ATRX: variants seen among roughly 807,000 people sequenced by gnomAD.
ATRX encodes ATRX chromatin remodeler, also known as chromatin remodeler ATRX.
Under a neutral mutation model 172.6 loss-of-function variants are expected in ATRX, and 12 were observed. That is an observed-to-expected ratio of 0.07 (90% confidence interval 0.04 to 0.11). ATRX has a LOEUF of 0.11. ATRX is among the 10% of genes least tolerant of loss of function. The pLI is 1.00. For synonymous variants in ATRX, 674 were observed against 594.7 expected (o/e 1.13, Z -1.94); for missense variants, 1,368 against 1,767.4 (o/e 0.77, Z 4.05).
At chrX:77,554,365 G>A (rs1288817571) in intron 30 of ATRX, among the ~76,000 whole-genome samples, 1 of 111,349 alleles carries the variant, frequency 9.0e-6, no homozygotes, top group East Asian at 2.8e-4. Context: ...TATCAGTTGA[G>A]TTCTACCATT....
intron 2 of ATRX, among the ~76,000 whole-genome samples, chrX:77,710,707 C>T (rs782038487): frequency 3.2e-3 from 1 of 312 alleles, no homozygotes; most frequent in Non-Finnish European, 0.02. Flanking sequence ...AGATTATTTA[C>T]TATAAACTCC....
At chrX:77,767,014 T>TC in intron 1 of ATRX, among the ~76,000 whole-genome samples, 1 of 112,457 alleles carries the variant, frequency 8.9e-6, no homozygotes, top group East Asian at 2.8e-4. Context: ...GGTTAGGAGC[T>TC]GGAGACCAGC....
At chrX:77,765,096 G>A (rs1325585039) in intron 1 of ATRX, among the ~76,000 whole-genome samples, 1 of 109,566 alleles carries the variant, frequency 9.1e-6, no homozygotes, top group Non-Finnish European at 1.9e-5. Flanking sequence ...TAACCCAGGA[G>A]GTGGAGGTTG....
At chrX:77,678,848 C>T (rs2071045764) in intron 9 of ATRX, among the ~76,000 whole-genome samples, 1 of 110,672 alleles carries the variant, frequency 9.0e-6, no homozygotes, top group Admixed American at 9.6e-5. Context: ...ACTGCAATCT[C>T]CTAGGACCAT....
At chrX:77,557,709 G>A in intron 29 of ATRX, 64 bp from the exon 30 acceptor site, 1 of 948,883 alleles carries the variant, frequency 1.1e-6, no homozygotes, top group Non-Finnish European at 1.5e-6. Context: ...ACTTAATCAA[G>A]GATAAATACG....
intron 30 of ATRX, among the ~76,000 whole-genome samples, chrX:77,527,177 C>T (rs2063410072): frequency 8.9e-6 from 1 of 112,182 alleles, no homozygotes; most frequent in Non-Finnish European, 1.9e-5. Context: ...GACACACACA[C>T]ACCTTTGCAT....
intron 30 of ATRX, among the ~76,000 whole-genome samples, chrX:77,549,815 G>T (rs1309054397): frequency 8.9e-6 from 1 of 111,805 alleles, no homozygotes; most frequent in Non-Finnish European, 1.9e-5. Flanking sequence ...AGAATCCAAT[G>T]AGGGGATTTA....
At position 77,558,862 on chromosome X, in the gene ATRX, T is replaced by C. The variant is rs1457254023; in HGVS notation, c.6327-16A>G. ...TAATCGTCCTCTGAAAATGAAAATA[T>C]AGAATAAATGCTTCAGTAATTAGTA... On this transcript the variant is annotated splice_polypyrimidine_tract_variant and intron_variant, in intron 28 of 34. Transcript: ENST00000373344. The C allele has an allele frequency of 2.0e-5, 23 of 1,133,760 alleles. No individual in the cohort carries two copies. Among genetic ancestry groups the C allele is most frequent in the Middle Eastern group, 2.5e-4 (1 of 3,977 alleles). The allele number at this position is 1,133,760 out of a possible 1,213,427, so 93.4% of individuals were successfully genotyped here. A position where few individuals can be genotyped will look rare whatever the true frequency, so the allele number is the denominator to read the frequency against.
intron 27 of ATRX, among the ~76,000 whole-genome samples, chrX:77,576,817 G>A (rs2065637025): frequency 9.0e-6 from 1 of 111,402 alleles, no homozygotes; most frequent in Non-Finnish European, 1.9e-5. Context: ...TCTATTTTAT[G>A]TCTCTACAAA....
intron 10 of ATRX, among the ~76,000 whole-genome samples, chrX:77,670,702 C>T (rs782736434): frequency 9.4e-6 from 1 of 106,404 alleles, no homozygotes; most frequent in African/African-American, 3.5e-5. Context: ...TTGCAGTGAG[C>T]GGAGATCATG....
In ATRX at chrX:77,521,505, G is replaced by A. The variant is rs2147742028; in HGVS notation, c.6976-7C>T. ...TTCCTTGATTAATGAGGTCCTAGAAGAATGCAAGAAATAAGTTATATAAGG... is the reference window on the plus strand; with the variant it reads ...TTCCTTGATTAATGAGGTCCTAGAAAAATGCAAGAAATAAGTTATATAAGG... On this transcript the variant is annotated splice_region_variant and splice_polypyrimidine_tract_variant and intron_variant, in intron 32 of 34. Transcript: ENST00000373344. 1 of 1,165,263 alleles carries A rather than the reference G, an allele frequency of 8.6e-7. No homozygotes were observed. The highest frequency in any genetic ancestry group is 1.2e-6 in the Non-Finnish European group (1 of 854,401).
At chrX:77,528,281 G>A (rs2063464414) in intron 30 of ATRX, among the ~76,000 whole-genome samples, 1 of 112,035 alleles carries the variant, frequency 8.9e-6, no homozygotes, top group African/African-American at 3.2e-5. Flanking sequence ...GAGGGCCAGC[G>A]GCCATCTCTG....
At chrX:77,570,826 C>G (rs990647670) in intron 28 of ATRX, among the ~76,000 whole-genome samples, 1 of 111,698 alleles carries the variant, frequency 9.0e-6, no homozygotes, top group Non-Finnish European at 1.9e-5. Context: ...GGACACATAT[C>G]TAGATTATAT....
At chrX:77,541,650 T>C (rs1357605790) in intron 30 of ATRX, among the ~76,000 whole-genome samples, 2 of 111,985 alleles carry the variant, frequency 1.8e-5, no homozygotes, top group Non-Finnish European at 3.8e-5. Flanking sequence ...CTGCAATACA[T>C]GGCTAGTTCA....
intron 1 of ATRX, among the ~76,000 whole-genome samples, chrX:77,773,078 T>C (rs1557200142): frequency 3.1e-5 from 2 of 64,259 alleles, no homozygotes; most frequent in African/African-American, 6.4e-5. Flanking sequence ...TATTTCCCTG[T>C]GGCAAATTTC....
At chrX:77,547,525 G>T (rs1481563964) in intron 30 of ATRX, among the ~76,000 whole-genome samples, 3 of 111,915 alleles carry the variant, frequency 2.7e-5, no homozygotes, top group African/African-American at 9.7e-5. Flanking sequence ...AGTATGGTCA[G>T]TCTGTTAACA....
intron 15 of ATRX, among the ~76,000 whole-genome samples, chrX:77,639,667 T>C (rs1319154423): frequency 8.9e-6 from 1 of 112,162 alleles, no homozygotes; most frequent in East Asian, 2.8e-4. Context: ...GATGATACTT[T>C]TGTTATTAAG....
intron 1 of ATRX, among the ~76,000 whole-genome samples, chrX:77,739,040 G>A (rs1166433755): frequency 1.3e-4 from 14 of 110,392 alleles, no homozygotes; most frequent in Admixed American, 2.9e-4. Context: ...TTGGTTACAC[G>A]AGTAAATTCT....
chrX:77,733,476 A>G (rs1279822188), intron 1 of ATRX, among the ~76,000 whole-genome samples: 1 of 110,961 alleles, frequency 9.0e-6, no homozygotes, highest in East Asian at 2.8e-4. Context: ...TGGACAGAAT[A>G]CAGAACTCAG....
Sources: gnomAD v4.1 joint callset for allele counts (sites outside exome capture counted in the v4.1 genomes callset) on GRCh38, gnomAD v4.1.1 for gene constraint, MANE v1.5 for transcripts, NCBI Gene and HGNC (gene_info 2026-07-23, HGNC 2026-07-21) for gene names.